Variants in RASA2 observed in about 807,000 individuals in gnomAD.
The protein encoded by RASA2 is ras GTPase-activating protein 2.
Under a neutral mutation model 118.2 loss-of-function variants are expected in RASA2, and 155 were observed. The observed-to-expected ratio is 1.31, with a 90% CI of 1.15 to 1.50. The LOEUF is 1.50. Among genes scored for constraint, RASA2 ranks in the 40% most tolerant of loss-of-function variants. The pLI, the probability that RASA2 is intolerant of heterozygous loss-of-function variation, is 0.00. For synonymous variants in RASA2, 353 were observed against 349.1 expected (o/e 1.01, Z -0.12); for missense variants, 1,016 against 1,009.6 (o/e 1.01, Z -0.09).
At chr3:141,591,758 C>T (rs936595527) in intron 19 of RASA2, among the ~76,000 whole-genome samples, 1 of 151,108 alleles carries the variant, frequency 6.6e-6, no homozygotes, top group Admixed American at 6.6e-5. Flanking sequence ...CAGCCCTACC[C>T]TAGCTCATAT....
chr3:141,571,686 T>C (rs1292435741), intron 11 of RASA2, 132 bp downstream of exon 11: 1 of 833,194 alleles, frequency 1.2e-6, no homozygotes, highest in Non-Finnish European at 1.8e-6. Context: ...AAAGAAGTAC[T>C]TAACAAATAA....
intron 19 of RASA2, among the ~76,000 whole-genome samples, chr3:141,605,497 G>A (rs1210744941): frequency 6.6e-6 from 1 of 152,126 alleles, no homozygotes; most frequent in East Asian, 1.9e-4. Flanking sequence ...CACATATGCT[G>A]TGTTACAATT....
At chr3:141,541,543 A>G (rs147727547) in intron 5 of RASA2, among the ~76,000 whole-genome samples, 90 of 152,194 alleles carry the variant, frequency 5.9e-4, no homozygotes, top group African/African-American at 2.0e-3. Flanking sequence ...TAACTCCAGT[A>G]CAGTTACCAA....
chr3:141,528,545 C>G (rs1226431285), intron 3 of RASA2, among the ~76,000 whole-genome samples: 1 of 151,088 alleles, frequency 6.6e-6, no homozygotes, highest in African/African-American at 2.4e-5. Context: ...ATCTTTTTTT[C>G]TTTTTTCCAG....
chr3:141,532,995 GA>G (rs547074099), intron 4 of RASA2, among the ~76,000 whole-genome samples: 1 of 151,904 alleles, frequency 6.6e-6, no homozygotes, highest in Non-Finnish European at 1.5e-5. Context: ...ATAAAGGAAA[GA>G]AAAAAACACC....
chr3:141,504,293 A>C lies in RASA2; in HGVS notation c.134-7870A>C, dbSNP rs141832124. On this transcript the variant is annotated intron_variant, in intron 1 of 23. Transcript: ENST00000286364. ...TTTTGTAAATTTTATGTACTTACTGATGATTCTCAAATTTTTTCTCTATCT... is the reference window on the plus strand; with the variant it reads ...TTTTGTAAATTTTATGTACTTACTGCTGATTCTCAAATTTTTTCTCTATCT... 3.5e-3 allele frequency among the ~76,000 whole-genome samples: 535 copies of C among 152,290 alleles called. 5 individuals are homozygous for C. Among genetic ancestry groups the C allele is most frequent in the African/African-American group, 0.012 (496 of 41,570 alleles).
At chr3:141,550,835 C>T (rs1577721472) in intron 5 of RASA2, among the ~76,000 whole-genome samples, 1 of 152,226 alleles carries the variant, frequency 6.6e-6, no homozygotes. Context: ...CCAGCCTGGG[C>T]GACAGAGTGA....
intron 1 of RASA2, among the ~76,000 whole-genome samples, chr3:141,489,433 C>G (rs1051031471): frequency 3.9e-5 from 6 of 152,236 alleles, no homozygotes; most frequent in African/African-American, 1.4e-4. Flanking sequence ...GTCAAGGTCA[C>G]AGAAATGAGA....
At position 141,536,323 on chromosome 3, in the gene RASA2, G is replaced by A. The variant is rs553785384; in HGVS notation, c.451-4210G>A. 5.9e-5 allele frequency among the ~76,000 whole-genome samples: 9 copies of A among 152,226 alleles called. No individual in the cohort carries two copies. In the South Asian group the frequency reaches 1.7e-3, roughly 28 times the overall value. ...TCTTGTGAGACTTATTCACTATTACGAGAATAGCACAGGAAAGACTGGCCC... is the reference window on the plus strand; with the variant it reads ...TCTTGTGAGACTTATTCACTATTACAAGAATAGCACAGGAAAGACTGGCCC... On this transcript the variant is annotated intron_variant, in intron 4 of 23. Coordinates refer to ENST00000286364, the MANE Select transcript of RASA2 (RefSeq NM_006506.5).
intron 5 of RASA2, among the ~76,000 whole-genome samples, chr3:141,552,912 C>A (rs571463931): frequency 4.1e-4 from 62 of 152,104 alleles, no homozygotes; most frequent in Non-Finnish European, 6.2e-4. Flanking sequence ...AAAATGCAGA[C>A]CCTTAGACAT....
In RASA2 at chr3:141,559,898, G is replaced by T; in HGVS notation, c.766G>T (p.Asp256Tyr). 1.2e-6 allele frequency: 2 copies of T among 1,612,562 alleles called. No homozygotes were observed. Among genetic ancestry groups the T allele is most frequent in the South Asian group, 1.1e-5 (1 of 90,978 alleles). ...AAGCCAGTTTTCAATTTTCAGGATCGACTTGTGGAACAATGGAAACCTAGT... is the reference window on the plus strand; with the variant it reads ...AAGCCAGTTTTCAATTTTCAGGATCTACTTGTGGAACAATGGAAACCTAGT... ...EDIEKLEIRI[D>Y]LWNNGNLVQD... is the part of the protein sequence containing the mutation. Residue 256 changes from aspartate (D) to tyrosine (Y), a missense_variant, in exon 9 of 24, where the codon GAC (aspartate) becomes TAC (tyrosine). Asp to Tyr is a radical substitution (Grantham distance 160). This residue lies in a region of RASA2 where 896 missense variants were observed against 836.4 expected (regional missense o/e 1.07). Transcript: ENST00000286364.
chr3:141,501,440 T>C (rs1169303737), intron 1 of RASA2, among the ~76,000 whole-genome samples: 1 of 152,232 alleles, frequency 6.6e-6, no homozygotes, highest in Admixed American at 6.5e-5. Context: ...GAATATTTAC[T>C]CTGTCTTAGG....
chr3:141,609,972 AC>A lies in RASA2; in HGVS notation c.2426del (p.Thr809LysfsTer5). ...CGAGGATTCTGTAACAACCTTTAAG[AC>A]AATTCAGCAAATAAAAAGCATAATT... ...VIEDSVTTFK[T>X]IQQIKSIIEK... On this transcript the variant is annotated frameshift_variant, in exon 23 of 24. Transcript: ENST00000286364. LOFTEE classifies it high-confidence loss of function. 1 of 1,606,324 alleles carries A rather than the reference AC, an allele frequency of 6.2e-7. No individual in the cohort carries two copies. Among genetic ancestry groups the A allele is most frequent in the Non-Finnish European group, 8.5e-7 (1 of 1,176,358 alleles).
At position 141,607,879 on chromosome 3, in the gene RASA2, A is replaced by G. The variant is rs552369825; in HGVS notation, c.2016+119A>G. ...TATCACCTATTACTTAGATATTTGT[A>G]TTCAAATTTTCAAGAAGTTGTTTAT... is the stretch of plus-strand genomic sequence containing the variant. On this transcript the variant is annotated intron_variant, in intron 20 of 23. Coordinates refer to ENST00000286364, the MANE Select transcript of RASA2 (RefSeq NM_006506.5). The G allele has an allele frequency of 4.0e-5, 47 of 1,183,578 alleles. 1 individual carries two copies. The South Asian group carries it at 1.3e-3, about 32-fold the overall frequency. The allele number at this position is 1,183,578 out of a possible 1,614,324, so 73.3% of individuals were successfully genotyped here.
At chr3:141,494,939 G>GT (rs1327664955) in intron 1 of RASA2, among the ~76,000 whole-genome samples, 1 of 152,218 alleles carries the variant, frequency 6.6e-6, no homozygotes, top group Non-Finnish European at 1.5e-5. Flanking sequence ...GTGAGATCCA[G>GT]TGAGGGCAGT....
intron 3 of RASA2, among the ~76,000 whole-genome samples, chr3:141,527,149 A>T (rs1413019230): frequency 6.6e-6 from 1 of 152,220 alleles, no homozygotes; most frequent in Non-Finnish European, 1.5e-5. Context: ...TGAATTTGTC[A>T]AACCAATAAA....
At chr3:141,580,577 CAG>C in intron 16 of RASA2, 126 bp downstream of exon 16, 2 of 614,514 alleles carry the variant, frequency 3.3e-6, no homozygotes, top group Non-Finnish European at 5.5e-6. Flanking sequence ...CACACACACA[CAG>C]ACACAATAGC....
At chr3:141,520,072 G>A (rs1239780710) in intron 3 of RASA2, among the ~76,000 whole-genome samples, 8 of 135,684 alleles carry the variant, frequency 5.9e-5, no homozygotes, top group Non-Finnish European at 1.2e-4. Context: ...GGAGTGCAGT[G>A]ACATGATCTC....
chr3:141,549,484 C>CAT (rs1553790659), intron 5 of RASA2, among the ~76,000 whole-genome samples: 3 of 145,212 alleles, frequency 2.1e-5, no homozygotes, highest in Non-Finnish European at 4.5e-5. Context: ...TGTGTGTGTG[C>CAT]GTGTGTGTGT....
Sources: allele counts gnomAD v4.1 joint callset (sites outside exome capture counted in the v4.1 genomes callset), GRCh38; gene constraint gnomAD v4.1.1; regional missense constraint gnomAD v4.1.1; transcripts MANE v1.5; gene names NCBI Gene and HGNC (gene_info 2026-07-23, HGNC 2026-07-21).